The following USP12 variants were observed in gnomAD, a reference collection of about 807,000 sequenced individuals.
USP12 encodes the protein ubiquitin carboxyl-terminal hydrolase 12.
Under a neutral mutation model 45.5 loss-of-function variants are expected in USP12, and 19 were observed. The ratio of observed to expected loss-of-function variants is 0.42; its 90% CI spans 0.29 to 0.61. The LOEUF is 0.61. Among genes scored for constraint, USP12 ranks in the 20% least tolerant of loss-of-function variants. The pLI is 0.22. For missense variants in USP12, 242 were observed against 447.7 expected (o/e 0.54, Z 4.15); for synonymous variants, 149 against 148.8 (o/e 1.00, Z -0.01).
chr13:27,152,800 G>A (rs2137833206), intron 1 of USP12, among the ~76,000 whole-genome samples: 1 of 152,168 alleles, frequency 6.6e-6, no homozygotes, highest in Middle Eastern at 3.4e-3. Flanking sequence ...AAATTAGCCA[G>A]GCGTGGTGGC....
intron 2 of USP12, among the ~76,000 whole-genome samples, chr13:27,109,411 A>C (rs1483407152): frequency 6.6e-6 from 1 of 152,228 alleles, no homozygotes; most frequent in African/African-American, 2.4e-5. Context: ...CTAATTTACA[A>C]GACAGTCAAC....
intron 4 of USP12, among the ~76,000 whole-genome samples, chr13:27,091,135 G>C (rs1874293450): frequency 6.6e-6 from 1 of 152,054 alleles, no homozygotes; most frequent in South Asian, 2.1e-4. Context: ...TGGTGAAAAA[G>C]AAGAGGGAAC....
intron 6 of USP12, among the ~76,000 whole-genome samples, chr13:27,083,115 G>A (rs1299317246): frequency 6.6e-6 from 1 of 152,220 alleles, no homozygotes; most frequent in Admixed American, 6.5e-5. Context: ...GATTACAGGT[G>A]TGAGTCACTG....
Position 27,095,597 on chromosome 13 carries a change from T to G in USP12, c.573+4A>C. The stretch of plus-strand genomic sequence containing the variant: ...CTCTATACAAAATTGTATGATATAC[T>G]TACAGTTTCACAAGTAAGACATCTG... On this transcript the variant is annotated splice_donor_region_variant and intron_variant, in intron 4 of 8. Transcript: ENST00000282344. The G allele has an allele frequency of 6.3e-7, 1 of 1,587,906 alleles. No homozygotes were observed. Among genetic ancestry groups the G allele is most frequent in the Non-Finnish European group, 8.6e-7 (1 of 1,166,942 alleles).
At chr13:27,169,591 C>T (rs1878493036) in intron 1 of USP12, among the ~76,000 whole-genome samples, 1 of 152,082 alleles carries the variant, frequency 6.6e-6, no homozygotes, top group African/African-American at 2.4e-5. Context: ...TATTTGCCAA[C>T]AATACACACG....
intron 1 of USP12, among the ~76,000 whole-genome samples, chr13:27,122,408 A>T (rs1047408876): frequency 6.6e-6 from 1 of 152,176 alleles, no homozygotes; most frequent in Non-Finnish European, 1.5e-5. Flanking sequence ...CTGTAAGTCC[A>T]ACTAAAACTC....
At chr13:27,155,328 G>A (rs184680760) in intron 1 of USP12, among the ~76,000 whole-genome samples, 1,532 of 151,774 alleles carry the variant, frequency 0.01, 25 homozygotes, top group African/African-American at 0.034. Context: ...TGATCTGCCC[G>A]CCTTGGCCTC....
chr13:27,132,192 TATA>T (rs1243341420), intron 1 of USP12, among the ~76,000 whole-genome samples: 8 of 152,230 alleles, frequency 5.3e-5, no homozygotes, highest in Non-Finnish European at 7.3e-5. Context: ...CATTAGCTTC[TATA>T]ATTATATCTT....
chr13:27,161,829 G>A (rs1878120543), intron 1 of USP12, among the ~76,000 whole-genome samples: 1 of 151,364 alleles, frequency 6.6e-6, no homozygotes, highest in African/African-American at 2.4e-5. Context: ...TTTCAATGAG[G>A]CGAGACTGCA....
At chr13:27,084,245 T>C (rs956186593) in intron 6 of USP12, among the ~76,000 whole-genome samples, 1 of 149,264 alleles carries the variant, frequency 6.7e-6, no homozygotes, top group Non-Finnish European at 1.5e-5. Context: ...TGGTGGCTCA[T>C]GCCTGTAATC....
chr13:27,157,015 T>C (rs1593214477), intron 1 of USP12, among the ~76,000 whole-genome samples: 1 of 152,300 alleles, frequency 6.6e-6, no homozygotes, highest in East Asian at 1.9e-4. Context: ...TCCTTACCTG[T>C]AAAACAGACT....
At chr13:27,088,227 C>CT (rs1874152156) in intron 6 of USP12, among the ~76,000 whole-genome samples, 1 of 151,996 alleles carries the variant, frequency 6.6e-6, no homozygotes, top group Admixed American at 6.5e-5. Flanking sequence ...AAGACCATCC[C>CT]AACACAGTGA....
Position 27,069,188 on chromosome 13 carries a change from G to C in USP12, c.*95C>G. 1 of 1,066,562 alleles carries C rather than the reference G, an allele frequency of 9.4e-7. No individual in the cohort carries two copies. Among genetic ancestry groups the C allele is most frequent in the Non-Finnish European group, 1.4e-6 (1 of 699,630 alleles). The allele number at this position is 1,066,562 out of a possible 1,614,324, so 66.1% of individuals were successfully genotyped here. A position where few individuals can be genotyped will look rare whatever the true frequency, so the allele number is the denominator to read the frequency against. On this transcript the variant is annotated 3_prime_UTR_variant, in exon 9 of 9. Transcript: ENST00000282344. ...TGTGCTACTGCCCCCTGAGCTTCCT[G>C]CATTTCTCTTTTCTTGAAAAATCAG...
chr13:27,141,068 C>A (rs1201001406), intron 1 of USP12, among the ~76,000 whole-genome samples: 1 of 136,748 alleles, frequency 7.3e-6, no homozygotes, highest in Non-Finnish European at 1.5e-5. Context: ...CAGGCTGGAG[C>A]GCAGTGGCAC....
At chr13:27,157,438 G>A (rs985076890) in intron 1 of USP12, among the ~76,000 whole-genome samples, 8 of 151,896 alleles carry the variant, frequency 5.3e-5, no homozygotes, top group East Asian at 1.9e-4. Flanking sequence ...TCCTTTACCC[G>A]CTGTATCAGA....
chr13:27,156,715 G>A (rs1877857925), intron 1 of USP12, among the ~76,000 whole-genome samples: 1 of 152,176 alleles, frequency 6.6e-6, no homozygotes, highest in Non-Finnish European at 1.5e-5. Context: ...CAGGTACTCA[G>A]GAGGCTAAGG....
At position 27,152,751 on chromosome 13, in the gene USP12, G is replaced by T. The variant is rs1041500537; in HGVS notation, c.48+18841C>A. Among the ~76,000 whole-genome samples, 6 of 151,830 alleles carry T rather than the reference G, an allele frequency of 4.0e-5. No individual in the cohort carries two copies. In the East Asian group the frequency reaches 9.8e-4, roughly 25 times the overall value. ...AGGTCAGGAGATAGAGACCATCCTG[G>T]TTAACACGGTGAAACCCCGTCTCTA... On this transcript the variant is annotated intron_variant, in intron 1 of 8. Transcript: ENST00000282344.
At chr13:27,119,636 A>G (rs1035996472) in intron 1 of USP12, among the ~76,000 whole-genome samples, 4 of 152,214 alleles carry the variant, frequency 2.6e-5, no homozygotes, top group African/African-American at 9.6e-5. Context: ...TCAACATTCT[A>G]TCGTTTCCGA....
In USP12 at chr13:27,069,109, A is replaced by G. The variant is rs1873121028; in HGVS notation, c.*174T>C. 3.2e-6 allele frequency: 2 copies of G among 634,200 alleles called. No individual in the cohort carries two copies. Among genetic ancestry groups the G allele is most frequent in the Admixed American group, 2.8e-5 (1 of 35,910 alleles). The allele number at this position is 634,200 out of a possible 1,614,324, so 39.3% of individuals were successfully genotyped here. On this transcript the variant is annotated 3_prime_UTR_variant, in exon 9 of 9. Transcript: ENST00000282344. ...TGATACCTGAGCAAATAAATCAACTACCATGATCGGAAGGGCTTGTCAATC... is the reference window on the plus strand; with the variant it reads ...TGATACCTGAGCAAATAAATCAACTGCCATGATCGGAAGGGCTTGTCAATC...
Sources: allele counts gnomAD v4.1 joint callset (sites outside exome capture counted in the v4.1 genomes callset), GRCh38; gene constraint gnomAD v4.1.1; transcripts MANE v1.5; gene names NCBI Gene and HGNC (gene_info 2026-07-23, HGNC 2026-07-21).